GALK2: variants seen among roughly 807,000 people sequenced by gnomAD.
The protein encoded by GALK2 is N-acetylgalactosamine kinase.
GALK2 carries 36 observed loss-of-function variants against 52.4 expected under a neutral mutation model. The ratio of observed to expected loss-of-function variants is 0.69; its 90% CI spans 0.53 to 0.91. The LOEUF is 0.91. Among genes scored for constraint, GALK2 ranks in the 40% least tolerant of loss-of-function variants. The probability of loss-of-function intolerance (pLI) is 0.00; values close to 1 mark genes in which losing one functional copy is unlikely to be tolerated. For synonymous variants in GALK2, 176 were observed against 199.1 expected, an observed-to-expected ratio of 0.88 and a Z score of 0.98; for missense variants, 579 against 559.1, an observed-to-expected ratio of 1.04 and a Z score of -0.36.
At chr15:49,299,273 C>T (rs968174909) in intron 8 of GALK2, among the ~76,000 whole-genome samples, 9 of 152,032 alleles carry the variant, frequency 5.9e-5, no homozygotes, top group Admixed American at 5.9e-4. Flanking sequence ...TGTGGATCTT[C>T]TCCCTTTTTT....
At chr15:49,283,856 G>T in intron 7 of GALK2, 138 bp downstream of exon 7, 1 of 831,392 alleles carries the variant, frequency 1.2e-6, no homozygotes, top group Non-Finnish European at 1.9e-6. Context: ...GAAGGTCTTT[G>T]GGTACAGAGA....
intron 1 of GALK2, among the ~76,000 whole-genome samples, chr15:49,179,926 G>A (rs1158037514): frequency 6.6e-6 from 1 of 151,976 alleles, no homozygotes; most frequent in African/African-American, 2.4e-5. Flanking sequence ...AGAGGGTTAG[G>A]TATGAAGTTT....
At chr15:49,232,317 TG>T (rs2090547049) in intron 3 of GALK2, among the ~76,000 whole-genome samples, 1 of 152,196 alleles carries the variant, frequency 6.6e-6, no homozygotes, top group East Asian at 1.9e-4. Flanking sequence ...GGTCAGGATA[TG>T]GGGAGCAGTG....
intron 8 of GALK2, among the ~76,000 whole-genome samples, chr15:49,315,971 A>T (rs548230567): frequency 6.6e-6 from 1 of 152,312 alleles, no homozygotes; most frequent in South Asian, 2.1e-4. Flanking sequence ...GAAATATGTA[A>T]TCCTAAAGGA....
intron 1 of GALK2, among the ~76,000 whole-genome samples, chr15:49,161,326 C>G (rs556046609): frequency 6.6e-6 from 1 of 152,156 alleles, no homozygotes; most frequent in Non-Finnish European, 1.5e-5. Flanking sequence ...GCTGAGCATG[C>G]TGCTTGAGTA....
intron 2 of GALK2, among the ~76,000 whole-genome samples, chr15:49,209,629 T>C (rs932449311): frequency 6.6e-6 from 1 of 152,202 alleles, no homozygotes; most frequent in African/African-American, 2.4e-5. Context: ...ATGTGATATA[T>C]CGTATTTTTG....
chr15:49,284,399 T>C (rs16962272), intron 7 of GALK2, among the ~76,000 whole-genome samples: 4,725 of 152,270 alleles, frequency 0.031, 146 homozygotes, highest in African/African-American at 0.071. Context: ...GGTTAATATG[T>C]GATCAGATAG....
chr15:49,210,961 A>ACACACT (rs755868760), intron 2 of GALK2, among the ~76,000 whole-genome samples: 8 of 110,238 alleles, frequency 7.3e-5, no homozygotes, highest in African/African-American at 2.6e-4. Flanking sequence ...TGGCTGTCAC[A>ACACACT]CACACACACA....
intron 1 of GALK2, 134 bp from the exon 2 acceptor site, chr15:49,201,028 A>G (rs1266167882): frequency 6.5e-6 from 3 of 458,740 alleles, no homozygotes; most frequent in Non-Finnish European, 7.6e-6. Flanking sequence ...CTTTTAAGGA[A>G]TAATTAATGG....
At chr15:49,364,292 C>T (rs566272728) in intron 3 of GALK2, among the ~76,000 whole-genome samples, 113 of 152,216 alleles carry the variant, frequency 7.4e-4, no homozygotes, top group African/African-American at 2.6e-3. Context: ...AATTTCAGAA[C>T]TTGTTATTGG....
Position 49,367,740 on chromosome 15 carries a change from A to G in GALK2, c.*204A>G, listed in dbSNP as rs1013214189. 1.3e-5 allele frequency: 11 copies of G among 848,806 alleles called. No individual in the cohort carries two copies. In the Admixed American group the frequency reaches 4.0e-4, roughly 31 times the overall value. 52.6% of individuals were successfully genotyped at this position (848,806 alleles called of 1,614,324 possible). Reference sequence around the variant, plus strand: ...TAAAATAAAGGAAATTCTACAAAGCATCTTCTTAATTAGAGGAATTTACCA... The same window carrying G: ...TAAAATAAAGGAAATTCTACAAAGCGTCTTCTTAATTAGAGGAATTTACCA... On this transcript the variant is annotated 3_prime_UTR_variant, in exon 4 of 4. Transcript: ENST00000558399.
intron 8 of GALK2, among the ~76,000 whole-genome samples, chr15:49,303,718 C>A (rs2035308888): frequency 6.6e-6 from 1 of 152,184 alleles, no homozygotes; most frequent in South Asian, 2.1e-4. Context: ...CTGACCACCA[C>A]CTTGGTCCAG....
intron 2 of GALK2, among the ~76,000 whole-genome samples, chr15:49,212,264 T>A (rs2088976462): frequency 6.6e-6 from 1 of 152,042 alleles, no homozygotes; most frequent in South Asian, 2.1e-4. Flanking sequence ...GGATAATTTT[T>A]GTATTTTTAG....
rs543151655 is a variant in GALK2 at position 49,248,015 on chromosome 15, G to T, written c.504+8648G>T. ...GGTTCATAAACAGAGTAAGTGGAAT[G>T]TTCAAAGTTCTGTGCCAAATATGTC... is the stretch of plus-strand genomic sequence containing the variant. On this transcript the variant is annotated intron_variant, in intron 5 of 9. Transcript: ENST00000560031. Among the ~76,000 whole-genome samples the T allele has an allele frequency of 3.3e-5, 5 of 152,276 alleles. No homozygotes were observed. In the East Asian group the frequency reaches 7.7e-4, roughly 23 times the overall value.
chr15:49,156,101 C>A, intron 1 of GALK2: 2 of 1,346,472 alleles, frequency 1.5e-6, no homozygotes, highest in Non-Finnish European at 2.1e-6. Flanking sequence ...TACTTTTCAG[C>A]AACACAGTTT....
intron 9 of GALK2, among the ~76,000 whole-genome samples, chr15:49,325,038 C>G (rs1298317481): frequency 6.6e-6 from 1 of 152,146 alleles, no homozygotes; most frequent in African/African-American, 2.4e-5. Flanking sequence ...TCTCCTGGAT[C>G]TCCTCCCCAC....
intron 5 of GALK2, among the ~76,000 whole-genome samples, chr15:49,271,107 G>C (rs1268524225): frequency 6.6e-6 from 1 of 152,116 alleles, no homozygotes; most frequent in African/African-American, 2.4e-5. Flanking sequence ...TCATTATTTA[G>C]CATTTTTAGA....
At chr15:49,192,504 T>TAC (rs2086834795) in intron 1 of GALK2, among the ~76,000 whole-genome samples, 1 of 136,168 alleles carries the variant, frequency 7.3e-6, no homozygotes, top group East Asian at 2.1e-4. Context: ...TATATATATA[T>TAC]ATATATATAT....
intron 8 of GALK2, among the ~76,000 whole-genome samples, chr15:49,317,165 G>A (rs980310876): frequency 1.3e-5 from 2 of 152,110 alleles, no homozygotes; most frequent in Non-Finnish European, 2.9e-5. Context: ...TCATTTTAGA[G>A]GTGAGGAAAT....
Sources: gnomAD v4.1 joint callset for allele counts (sites outside exome capture counted in the v4.1 genomes callset) on GRCh38, gnomAD v4.1.1 for gene constraint, MANE v1.5 for transcripts, NCBI Gene and HGNC (gene_info 2026-07-23, HGNC 2026-07-21) for gene names.